Variants in EYA3 observed in about 807,000 individuals in gnomAD.
EYA3 encodes the protein protein phosphatase EYA3.
Under a neutral mutation model 80.0 loss-of-function variants are expected in EYA3, and 39 were observed. The observed-to-expected ratio is 0.49, with a 90% CI of 0.38 to 0.64. The LOEUF is 0.64. Ranked by LOEUF, EYA3 falls within the 30% of genes least tolerant of loss-of-function variation. EYA3 has a pLI of 0.00. For missense variants in EYA3, 523 were observed against 676.1 expected (o/e 0.77, Z 2.51); for synonymous variants, 206 against 232.8 (o/e 0.88, Z 1.05).
chr1:28,080,381 C>T (rs1324460371), intron 1 of EYA3, among the ~76,000 whole-genome samples: 1 of 152,034 alleles, frequency 6.6e-6, no homozygotes, highest in Non-Finnish European at 1.5e-5. Context: ...CACCTGAGCC[C>T]AGGAGGTCGA....
intron 1 of EYA3, among the ~76,000 whole-genome samples, chr1:28,080,518 G>A (rs916117276): frequency 1.3e-5 from 2 of 152,054 alleles, no homozygotes; most frequent in African/African-American, 4.8e-5. Context: ...TGCATCACCA[G>A]TAGTAAAGAT....
intron 8 of EYA3, among the ~76,000 whole-genome samples, chr1:28,015,021 G>A (rs1641955380): frequency 6.6e-6 from 1 of 152,198 alleles, no homozygotes; most frequent in South Asian, 2.1e-4. Context: ...ATATGTATGT[G>A]TGTATTTGTG....
intron 2 of EYA3, among the ~76,000 whole-genome samples, chr1:28,055,514 A>G (rs541820510): frequency 1.5e-5 from 2 of 130,432 alleles, no homozygotes; most frequent in Non-Finnish European, 3.1e-5. Flanking sequence ...TCTGTTGTCC[A>G]GGCTGGAGTG....
chr1:28,087,458 T>C (rs1337093845), intron 1 of EYA3, among the ~76,000 whole-genome samples: 1 of 152,138 alleles, frequency 6.6e-6, no homozygotes, highest in African/African-American at 2.4e-5. Flanking sequence ...GAAAACTTAA[T>C]ACAGTAAAAA....
chr1:28,032,747 A>G (rs1309349110), intron 6 of EYA3, among the ~76,000 whole-genome samples: 9 of 152,186 alleles, frequency 5.9e-5, no homozygotes, highest in Non-Finnish European at 8.8e-5. Flanking sequence ...ACTTTAAAAG[A>G]TTACTCATCA....
chr1:28,010,848 CAT>C (rs1641642739), intron 10 of EYA3, 97 bp downstream of exon 10: 5 of 1,380,518 alleles, frequency 3.6e-6, no homozygotes, highest in Non-Finnish European at 9.9e-7. Context: ...GGGCACATAA[CAT>C]AGTGCACATT....
chr1:28,008,674 G>A (rs908836799), intron 10 of EYA3, among the ~76,000 whole-genome samples: 1 of 152,072 alleles, frequency 6.6e-6, no homozygotes, highest in African/African-American at 2.4e-5. Context: ...GTGGGCAAAG[G>A]TTCTCATGCT....
chr1:28,062,329 G>GA (rs1644659833), intron 1 of EYA3, among the ~76,000 whole-genome samples: 1 of 152,064 alleles, frequency 6.6e-6, no homozygotes, highest in African/African-American at 2.4e-5. Flanking sequence ...TGCTGACAGT[G>GA]AAAAAATAGA....
chr1:28,049,121 A>T (rs865784425), intron 2 of EYA3, among the ~76,000 whole-genome samples: 1 of 152,216 alleles, frequency 6.6e-6, no homozygotes, highest in African/African-American at 2.4e-5. Context: ...TGAATATTTA[A>T]AAGTATTTCA....
At chr1:27,978,908 G>T (rs528468104) in intron 16 of EYA3, among the ~76,000 whole-genome samples, 1 of 152,226 alleles carries the variant, frequency 6.6e-6, no homozygotes, top group African/African-American at 2.4e-5. Context: ...GTTGCAGTGA[G>T]CCGAGATCAT....
intron 1 of EYA3, among the ~76,000 whole-genome samples, chr1:28,066,083 A>T (rs970038234): frequency 1.3e-5 from 2 of 152,096 alleles, no homozygotes; most frequent in Admixed American, 1.3e-4. Flanking sequence ...GATAACCAAG[A>T]CGGCTCCTAA....
At chr1:28,050,435 C>T (rs970130461) in intron 2 of EYA3, among the ~76,000 whole-genome samples, 5 of 152,024 alleles carry the variant, frequency 3.3e-5, no homozygotes, top group African/African-American at 1.2e-4. Context: ...CTCCTGGCCT[C>T]AAGTGATCCG....
At chr1:27,999,818 T>A in intron 12 of EYA3, 142 bp downstream of exon 12, 1 of 510,530 alleles carries the variant, frequency 2.0e-6, no homozygotes, top group Non-Finnish European at 3.4e-6. Context: ...TCTAAGACTA[T>A]GTATGTATGC....
intron 1 of EYA3, among the ~76,000 whole-genome samples, chr1:28,068,742 C>T (rs1015415874): frequency 9.2e-5 from 14 of 152,226 alleles, no homozygotes; most frequent in African/African-American, 3.1e-4. Context: ...TCTTTATAAC[C>T]GTAAGTCCTT....
chr1:27,992,169 A>C (rs1640113331), intron 14 of EYA3, among the ~76,000 whole-genome samples: 1 of 152,144 alleles, frequency 6.6e-6, no homozygotes, highest in South Asian at 2.1e-4. Flanking sequence ...GTATAGTACA[A>C]GGGCTCTTGA....
chr1:27,982,318 A>T (rs1031355471), intron 16 of EYA3, among the ~76,000 whole-genome samples: 17 of 151,586 alleles, frequency 1.1e-4, no homozygotes, highest in East Asian at 1.9e-4. Flanking sequence ...AATTAAAAAA[A>T]TTTTTTTTGT....
In EYA3 at chr1:27,972,676, G is replaced by A. The variant is rs1225978355; in HGVS notation, c.*1790C>T. The A allele has an allele frequency of 1.3e-5, 2 of 152,244 alleles. No individual in the cohort carries two copies. The highest frequency in any genetic ancestry group is 4.1e-4 in the South Asian group (2 of 4,834). 9.4% of individuals were successfully genotyped at this position (152,244 alleles called of 1,614,324 possible). A position where few individuals can be genotyped will look rare whatever the true frequency, so the allele number is the denominator to read the frequency against. On this transcript the variant is annotated 3_prime_UTR_variant, in exon 18 of 18. Transcript: ENST00000373871. The stretch of plus-strand genomic sequence containing the variant: ...TGAGGTGCTTGTATCATCTCTCTCT[G>A]TGTAGCCTGGGAGAGGCTGAACTTC...
intron 16 of EYA3, among the ~76,000 whole-genome samples, chr1:27,987,570 C>A (rs1279900314): frequency 6.6e-6 from 1 of 152,210 alleles, no homozygotes; most frequent in African/African-American, 2.4e-5. Context: ...CCTGACTCAG[C>A]CTCCCAAATA....
intron 3 of EYA3, among the ~76,000 whole-genome samples, chr1:28,043,474 G>C (rs780303513): frequency 2.6e-5 from 4 of 152,246 alleles, no homozygotes; most frequent in Admixed American, 6.5e-5. Flanking sequence ...AGGAAGGTAG[G>C]GAGACGTTTG....
Sources: gnomAD v4.1 joint callset for allele counts (sites outside exome capture counted in the v4.1 genomes callset) on GRCh38, gnomAD v4.1.1 for gene constraint, MANE v1.5 for transcripts, NCBI Gene and HGNC (gene_info 2026-07-23, HGNC 2026-07-21) for gene names.